CCSER1: variants seen among roughly 807,000 people sequenced by gnomAD.
The protein encoded by CCSER1 is serine-rich coiled-coil domain-containing protein 1.
Under a neutral mutation model 82.0 loss-of-function variants are expected in CCSER1, and 41 were observed. The ratio of observed to expected loss-of-function variants is 0.50; its 90% CI spans 0.39 to 0.65. CCSER1 has a LOEUF of 0.65. Among genes scored for constraint, CCSER1 ranks in the 30% least tolerant of loss-of-function variants. The pLI is 0.00. For missense variants in CCSER1, 1,119 were observed against 1,064.2 expected (o/e 1.05, Z -0.72); for synonymous variants, 414 against 383.9 (o/e 1.08, Z -0.92).
chr4:91,454,081 T>C (rs1168362828), intron 10 of CCSER1, among the ~76,000 whole-genome samples: 2 of 152,110 alleles, frequency 1.3e-5, no homozygotes, highest in Non-Finnish European at 2.9e-5. Flanking sequence ...CGTTCAGAGG[T>C]AATCAAGAAC....
At chr4:90,656,632 G>T (rs1438430180) in intron 6 of CCSER1, among the ~76,000 whole-genome samples, 1 of 151,616 alleles carries the variant, frequency 6.6e-6, no homozygotes. Flanking sequence ...TTGGAGTCTG[G>T]ATCATATTTG....
At chr4:90,367,782 C>A (rs958107330) in intron 3 of CCSER1, among the ~76,000 whole-genome samples, 21 of 151,546 alleles carry the variant, frequency 1.4e-4, no homozygotes, top group Non-Finnish European at 2.8e-4. Context: ...AGGGAAGTAC[C>A]AGCAATTAAA....
intron 5 of CCSER1, among the ~76,000 whole-genome samples, chr4:90,594,960 A>T (rs1002594710): frequency 6.6e-5 from 10 of 152,004 alleles, no homozygotes; most frequent in African/African-American, 2.4e-4. Flanking sequence ...AGTGCTTATT[A>T]TATGTTCTTT....
intron 1 of CCSER1, among the ~76,000 whole-genome samples, chr4:90,168,762 G>A (rs978168933): frequency 9.2e-5 from 13 of 141,634 alleles, no homozygotes; most frequent in Non-Finnish European, 1.8e-4. Flanking sequence ...TTTTTGTCAG[G>A]TTTGTCAAAG....
intron 1 of CCSER1, among the ~76,000 whole-genome samples, chr4:90,252,331 G>A (rs904205466): frequency 2.0e-5 from 3 of 151,840 alleles, no homozygotes; most frequent in Non-Finnish European, 4.4e-5. Context: ...ATAGCTCTAA[G>A]CATTGCTTAA....
intron 10 of CCSER1, among the ~76,000 whole-genome samples, chr4:91,562,589 C>T (rs1762704741): frequency 6.6e-6 from 1 of 151,380 alleles, no homozygotes; most frequent in Non-Finnish European, 1.5e-5. Flanking sequence ...GTTCCAGAGT[C>T]AAGAATTGTA....
intron 1 of CCSER1, among the ~76,000 whole-genome samples, chr4:90,183,327 A>G (rs1578370776): frequency 6.6e-6 from 1 of 152,122 alleles, no homozygotes; most frequent in Admixed American, 6.6e-5. Flanking sequence ...TGCAGGGGTA[A>G]TAACTAATTC....
intron 10 of CCSER1, among the ~76,000 whole-genome samples, chr4:91,442,533 A>G (rs1479253918): frequency 7.4e-6 from 1 of 135,710 alleles, no homozygotes; most frequent in Admixed American, 7.6e-5. Context: ...AAGAAAACCT[A>G]GGCATTACCA....
At chr4:90,944,734 A>G (rs985114551) in intron 9 of CCSER1, among the ~76,000 whole-genome samples, 1 of 152,208 alleles carries the variant, frequency 6.6e-6, no homozygotes, top group Admixed American at 6.5e-5. Context: ...TTCCATATGT[A>G]AGGACCCTCC....
intron 3 of CCSER1, among the ~76,000 whole-genome samples, chr4:90,350,101 G>A (rs1421585404): frequency 6.6e-6 from 1 of 152,074 alleles, no homozygotes; most frequent in Admixed American, 6.5e-5. Flanking sequence ...AATCATTATT[G>A]AATTAATAAG....
intron 6 of CCSER1, among the ~76,000 whole-genome samples, chr4:90,718,013 C>G (rs758563382): frequency 6.6e-6 from 1 of 151,412 alleles, no homozygotes; most frequent in South Asian, 2.1e-4. Flanking sequence ...AAAGTTGACA[C>G]GTCTAAAAAA....
At chr4:90,171,188 T>A (rs1343700826) in intron 1 of CCSER1, among the ~76,000 whole-genome samples, 10 of 133,596 alleles carry the variant, frequency 7.5e-5, no homozygotes, top group East Asian at 2.4e-4. Context: ...AAAAAAAAAA[T>A]AAAATACAGG....
chr4:91,364,397 C>A (rs1749465799), intron 10 of CCSER1, among the ~76,000 whole-genome samples: 1 of 151,908 alleles, frequency 6.6e-6, no homozygotes, highest in Non-Finnish European at 1.5e-5. Context: ...TATTTAATTA[C>A]ATCATAATTT....
At position 91,478,555 on chromosome 4, in the gene CCSER1, T is replaced by C. The variant is rs969409071; in HGVS notation, c.2218-120017T>C. On this transcript the variant is annotated intron_variant, in intron 10 of 10. Coordinates refer to ENST00000509176, the MANE Select transcript of CCSER1 (RefSeq NM_001145065.2). ...CTGCATTCAGATTGATAGGCAAATGTATTAAATTCTAGTGGTGCTTTAAAA... is the reference window on the plus strand; with the variant it reads ...CTGCATTCAGATTGATAGGCAAATGCATTAAATTCTAGTGGTGCTTTAAAA... Among the ~76,000 whole-genome samples, 3 of 151,978 alleles carry C rather than the reference T, an allele frequency of 2.0e-5. No homozygotes were observed. In the South Asian group the frequency reaches 6.2e-4, roughly 31 times the overall value.
At chr4:91,332,332 A>G (rs1238899600) in intron 10 of CCSER1, among the ~76,000 whole-genome samples, 1 of 151,910 alleles carries the variant, frequency 6.6e-6, no homozygotes, top group Non-Finnish European at 1.5e-5. Flanking sequence ...CATTGTCAAC[A>G]TTACTGGAGT....
intron 5 of CCSER1, among the ~76,000 whole-genome samples, chr4:90,612,972 CAATAATG>C (rs1720535369): frequency 6.6e-6 from 1 of 151,910 alleles, no homozygotes; most frequent in Non-Finnish European, 1.5e-5. Flanking sequence ...TACAGCAACC[CAATAATG>C]AATTCTGAGT....
At chr4:90,178,318 CAG>C (rs747051969) in intron 1 of CCSER1, among the ~76,000 whole-genome samples, 5 of 152,056 alleles carry the variant, frequency 3.3e-5, no homozygotes, top group East Asian at 3.9e-4. Flanking sequence ...AATACAGTAA[CAG>C]GGAAAAATTT....
intron 10 of CCSER1, among the ~76,000 whole-genome samples, chr4:91,155,235 T>C (rs1221589378): frequency 4.0e-5 from 6 of 151,808 alleles, no homozygotes; most frequent in African/African-American, 1.5e-4. Flanking sequence ...GTAATTGAAT[T>C]ATAGGGGTAG....
At chr4:90,146,323 G>A (rs938417325) in intron 1 of CCSER1, among the ~76,000 whole-genome samples, 1 of 151,964 alleles carries the variant, frequency 6.6e-6, no homozygotes, top group Non-Finnish European at 1.5e-5. Context: ...TTTTTATGGA[G>A]CATAAAATAA....
Sources: allele counts gnomAD v4.1 joint callset (sites outside exome capture counted in the v4.1 genomes callset), GRCh38; gene constraint gnomAD v4.1.1; transcripts MANE v1.5; gene names NCBI Gene and HGNC (gene_info 2026-07-23, HGNC 2026-07-21).